The following KIAA1549 variants were observed in gnomAD, a reference collection of about 807,000 sequenced individuals.
KIAA1549 encodes UPF0606 protein KIAA1549.
KIAA1549 carries 70 observed loss-of-function variants against 156.4 expected under a neutral mutation model. That is an observed-to-expected ratio of 0.45 (90% CI 0.37 to 0.55). The LOEUF is 0.55. KIAA1549 is among the 20% of genes least tolerant of loss of function. KIAA1549 has a pLI of 0.00. For missense variants in KIAA1549, 2,428 were observed against 2,540.9 expected, an observed-to-expected ratio of 0.96 and a Z score of 0.96; for synonymous variants, 1,103 against 1,066.4, an observed-to-expected ratio of 1.03 and a Z score of -0.67.
At chr7:138,968,614 G>A (rs946148345) in intron 1 of KIAA1549, among the ~76,000 whole-genome samples, 8 of 151,864 alleles carry the variant, frequency 5.3e-5, no homozygotes, top group African/African-American at 9.7e-5. Context: ...TTGGGAGGCC[G>A]AGGCGGGCAG....
Position 138,894,511 on chromosome 7 carries a change from T to G in KIAA1549, c.3863A>C (p.Lys1288Thr). The change falls in exon 10 of 20, where the codon AAG becomes ACG. Residue 1288 changes from lysine (K) to threonine (T), a missense_variant. This residue lies in a region of KIAA1549 where 762 missense variants were observed against 901.6 expected (regional missense o/e 0.85). Transcript: ENST00000422774. ...GVIAQPVDRV[K>T]RPSPESQSNN... The stretch of plus-strand genomic sequence containing the variant: ...GCTCTGGGATTCCGGAGACGGCCTC[T>G]TCACCCTGTCGACAGCTGCAGACAA... 1 of 1,614,002 alleles carries G rather than the reference T, an allele frequency of 6.2e-7. No individual in the cohort carries two copies. Among genetic ancestry groups the G allele is most frequent in the Non-Finnish European group, 8.5e-7 (1 of 1,179,878 alleles).
intron 1 of KIAA1549, among the ~76,000 whole-genome samples, chr7:138,944,146 CACT>C: frequency 6.6e-6 from 1 of 151,800 alleles, no homozygotes; most frequent in Admixed American, 6.6e-5. Flanking sequence ...TAACTATCAT[CACT>C]ACATTGTACA....
chr7:138,965,030 G>C (rs776705872), intron 1 of KIAA1549, among the ~76,000 whole-genome samples: 18 of 150,204 alleles, frequency 1.2e-4, no homozygotes, highest in Non-Finnish European at 1.9e-4. Context: ...GTGCGATCTC[G>C]GCTCACTGCA....
At position 138,899,119 on chromosome 7, in the gene KIAA1549, G is replaced by A. The variant is rs377196939; in HGVS notation, c.3683C>T (p.Ser1228Leu). Residue 1228 changes from serine (S) to leucine (L), a missense_variant, in exon 9 of 20, where the codon TCG becomes TTG. Coordinates refer to ENST00000422774, the MANE Select transcript of KIAA1549 (RefSeq NM_001164665.2). ...GNSVVQVVNV[S>L]RLEGDDNPVQ... ...CGGATTGTCATCTCCCTCCAGCCTC[G>A]ACACATTTACCACCTGAAAGATAGC... 15 of 1,613,626 alleles carry A rather than the reference G, an allele frequency of 9.3e-6. No homozygotes were observed. Among genetic ancestry groups the A allele is most frequent in the Middle Eastern group, 1.6e-4 (1 of 6,062 alleles).
At chr7:138,977,892 G>T (rs887984609) in intron 1 of KIAA1549, among the ~76,000 whole-genome samples, 1 of 152,114 alleles carries the variant, frequency 6.6e-6, no homozygotes, top group African/African-American at 2.4e-5. Flanking sequence ...TAGAGACGGG[G>T]TTTCACCATG....
intron 1 of KIAA1549, among the ~76,000 whole-genome samples, chr7:138,941,879 G>A (rs975680183): frequency 6.6e-6 from 1 of 150,734 alleles, no homozygotes; most frequent in Non-Finnish European, 1.5e-5. Flanking sequence ...CTTCCAAAGA[G>A]GAAATAAGGA....
chr7:138,956,676 G>A (rs569261966), intron 1 of KIAA1549, among the ~76,000 whole-genome samples: 1 of 152,226 alleles, frequency 6.6e-6, no homozygotes, highest in African/African-American at 2.4e-5. Context: ...ATGGAACTGT[G>A]AGTCCATTAA....
intron 16 of KIAA1549, among the ~76,000 whole-genome samples, chr7:138,859,008 A>AACACAC (rs57352970): frequency 0.038 from 5,472 of 142,270 alleles, 156 homozygotes; most frequent in Admixed American, 0.1. Context: ...TCCATCTCAA[A>AACACAC]ACACACACAC....
At chr7:138,890,749 A>T (rs951058447) in intron 10 of KIAA1549, among the ~76,000 whole-genome samples, 1 of 152,184 alleles carries the variant, frequency 6.6e-6, no homozygotes, top group African/African-American at 2.4e-5. Flanking sequence ...TTTTCAATTC[A>T]CTGTCCATAC....
rs79420247 is a variant in KIAA1549 at position 138,946,878 on chromosome 7, C to T, written c.188-27440G>A. Among the ~76,000 whole-genome samples the T allele has an allele frequency of 9.6e-4, 146 of 152,320 alleles. 2 individuals are homozygous for T. Among genetic ancestry groups the T allele is most frequent in the African/African-American group, 3.4e-3 (143 of 41,562 alleles). ...TCGCAGGCATTGCCCAGCGCCTCTGCAGGTGAGACTGCCCAACTGAGAACC... is the reference window on the plus strand; with the variant it reads ...TCGCAGGCATTGCCCAGCGCCTCTGTAGGTGAGACTGCCCAACTGAGAACC... On this transcript the variant is annotated intron_variant, in intron 1 of 19. Coordinates refer to ENST00000422774, the MANE Select transcript of KIAA1549 (RefSeq NM_001164665.2).
chr7:138,885,224 A>T (rs1431409943), intron 10 of KIAA1549, among the ~76,000 whole-genome samples: 3 of 151,934 alleles, frequency 2.0e-5, no homozygotes, highest in Non-Finnish European at 4.4e-5. Context: ...CAAGAACAAA[A>T]CTCTGTTTCA....
At chr7:138,931,424 T>C (rs907467864) in intron 1 of KIAA1549, among the ~76,000 whole-genome samples, 5 of 152,186 alleles carry the variant, frequency 3.3e-5, no homozygotes, top group African/African-American at 1.2e-4. Flanking sequence ...GACTTGTTGT[T>C]TGATATTTTT....
intron 10 of KIAA1549, among the ~76,000 whole-genome samples, chr7:138,892,810 C>T (rs1584735381): frequency 1.3e-5 from 2 of 152,230 alleles, no homozygotes; most frequent in Admixed American, 1.3e-4. Context: ...ATTTTTCATA[C>T]CCAAGACAAC....
At position 138,836,413 on chromosome 7, in the gene KIAA1549, T is replaced by A. The variant is rs1584976368; in HGVS notation, c.*1493A>T. The A allele has an allele frequency of 4.7e-6, 1 of 214,642 alleles. No individual in the cohort carries two copies. Among genetic ancestry groups the A allele is most frequent in the Non-Finnish European group, 9.4e-6 (1 of 106,260 alleles). 13.3% of individuals were successfully genotyped at this position (214,642 alleles called of 1,614,324 possible). A position where few individuals can be genotyped will look rare whatever the true frequency, so the allele number is the denominator to read the frequency against. On this transcript the variant is annotated 3_prime_UTR_variant, in exon 20 of 20. Transcript: ENST00000422774. ...TACCATGTAGGTTGTGTAAGTACAA[T>A]CTAGGATGTTGGCACAGCAACAAAA...
At chr7:138,841,522 C>T (rs1809917791) in intron 18 of KIAA1549, among the ~76,000 whole-genome samples, 1 of 152,062 alleles carries the variant, frequency 6.6e-6, no homozygotes, top group Non-Finnish European at 1.5e-5. Flanking sequence ...TGGAAATATA[C>T]CTATATTGCA....
chr7:138,833,703 A>G lies in KIAA1549; in HGVS notation c.*4203T>C, dbSNP rs1023572966. On this transcript the variant is annotated 3_prime_UTR_variant, in exon 20 of 20. Coordinates refer to ENST00000422774, the MANE Select transcript of KIAA1549 (RefSeq NM_001164665.2). ...CAGACAGACAGATAGATAACCCACT[A>G]TGCTCCACAAAGGATATGGCGTGGC... 1.5e-4 allele frequency: 36 copies of G among 232,838 alleles called. No homozygotes were observed. The highest frequency in any genetic ancestry group is 7.1e-4 in the African/African-American group (32 of 45,314). The allele number at this position is 232,838 out of a possible 1,614,324, so 14.4% of individuals were successfully genotyped here.
intron 15 of KIAA1549, among the ~76,000 whole-genome samples, 156 bp downstream of exon 15, chr7:138,867,819 C>A (rs1035895767): frequency 1.3e-5 from 2 of 152,206 alleles, no homozygotes; most frequent in African/African-American, 4.8e-5. Flanking sequence ...CCACCCACTT[C>A]ATGACCTAGA....
Position 138,918,806 on chromosome 7 carries a change from T to C in KIAA1549, c.820A>G (p.Thr274Ala), listed in dbSNP as rs1428495840. ...AAAAGGGTGGTTTCCACACCCTCTG[T>C]TAGGGAAGCCACAATCTCTGGCAGA... ...RTLPEIVASL[T>A]EGVETTLFLS... Residue 274 changes from threonine to alanine, a missense_variant, in exon 2 of 20, where the codon ACA (threonine) becomes GCA (alanine). This residue lies in a region of KIAA1549 where 893 missense variants were observed against 847.9 expected (regional missense o/e 1.05). Coordinates refer to ENST00000422774, the MANE Select transcript of KIAA1549 (RefSeq NM_001164665.2). The surrounding 1 kb of genome is among the most constrained non-coding windows in gnomAD (Gnocchi z 4.2). 1.9e-6 allele frequency: 3 copies of C among 1,613,896 alleles called. No homozygotes were observed. The African/African-American group carries it at 4.0e-5, about 22-fold the overall frequency.
intron 18 of KIAA1549, among the ~76,000 whole-genome samples, chr7:138,842,770 TAGG>T (rs1325834959): frequency 6.6e-6 from 1 of 151,882 alleles, no homozygotes; most frequent in Non-Finnish European, 1.5e-5. Context: ...ATCAAACACA[TAGG>T]AGGCAACTGG....
Sources: allele counts gnomAD v4.1 joint callset (sites outside exome capture counted in the v4.1 genomes callset), GRCh38; gene constraint gnomAD v4.1.1; regional missense constraint gnomAD v4.1.1; non-coding constraint Gnocchi (gnomAD v3.1); transcripts MANE v1.5; gene names NCBI Gene and HGNC (gene_info 2026-07-23, HGNC 2026-07-21).